The following NIPAL2 variants were observed in gnomAD, a reference collection of about 807,000 sequenced individuals.
NIPAL2 encodes NIPA-like protein 2.
In NIPAL2, 43 loss-of-function variants were observed where a neutral mutation model predicts 48.9. The observed-to-expected ratio is 0.88, with a 90% confidence interval of 0.69 to 1.13. NIPAL2 has a LOEUF of 1.13. Among genes scored for constraint, NIPAL2 ranks in the 50% most tolerant of loss-of-function variants. The pLI, the probability that NIPAL2 is intolerant of heterozygous loss-of-function variation, is 0.00. For missense variants in NIPAL2, 446 were observed against 461.4 expected (o/e 0.97, Z 0.31); for synonymous variants, 167 against 174.6 (o/e 0.96, Z 0.34).
At chr8:98,233,526 A>G (rs532858803) in intron 4 of NIPAL2, among the ~76,000 whole-genome samples, 4 of 152,220 alleles carry the variant, frequency 2.6e-5, no homozygotes, top group South Asian at 4.1e-4. Context: ...ACTGTCTTAC[A>G]TATTTGCCAG....
chr8:98,256,212 C>T (rs567031828), intron 1 of NIPAL2, among the ~76,000 whole-genome samples: 10 of 152,044 alleles, frequency 6.6e-5, no homozygotes, highest in South Asian at 6.2e-4. Flanking sequence ...TTAGTAGAGA[C>T]GGCATTTCGC....
At position 98,203,695 on chromosome 8, in the gene NIPAL2, T is replaced by C. The variant is rs78044763; in HGVS notation, c.792-499A>G. ...TTCTCATTCTGGCCACCAACACAAA[T>C]GCAGTTCCCACAACTGTGCTGTGCT... On this transcript the variant is annotated intron_variant, in intron 7 of 10. Transcript: ENST00000430223. Among the ~76,000 whole-genome samples, 770 of 152,322 alleles carry C rather than the reference T, an allele frequency of 5.1e-3. 7 individuals are homozygous for C. The highest frequency in any genetic ancestry group is 0.017 in the African/African-American group (714 of 41,570).
At chr8:98,254,389 C>G (rs1160138746) in intron 1 of NIPAL2, among the ~76,000 whole-genome samples, 1 of 152,138 alleles carries the variant, frequency 6.6e-6, no homozygotes, top group East Asian at 1.9e-4. Flanking sequence ...GATGCTGCTT[C>G]TTACGTATCC....
At chr8:98,222,433 C>G in intron 5 of NIPAL2, 46 bp downstream of exon 5, 2 of 1,589,664 alleles carry the variant, frequency 1.3e-6, no homozygotes, top group South Asian at 1.2e-5. Context: ...GACCAGTGGT[C>G]TGGATAATAT....
intron 1 of NIPAL2, among the ~76,000 whole-genome samples, chr8:98,260,077 G>C (rs893255134): frequency 5.3e-5 from 8 of 152,124 alleles, no homozygotes; most frequent in Non-Finnish European, 7.4e-5. Flanking sequence ...TGAGAAGAAG[G>C]GGGTACAAAA....
intron 1 of NIPAL2, among the ~76,000 whole-genome samples, chr8:98,256,875 A>C (rs189465982): frequency 6.6e-6 from 1 of 152,358 alleles, no homozygotes; most frequent in African/African-American, 2.4e-5. Flanking sequence ...AGCATTATTC[A>C]TAATAGCCAA....
In NIPAL2 at chr8:98,222,487, T is replaced by C; in HGVS notation, c.550A>G (p.Ile184Val). ...ATATTTAGAATTCTTACCACATAGA[T>C]CAGGAACTGCCATCCGACAAGGTAA... ...QYYLVGWQFL[I>V]YVILEILIFC... The change falls in exon 5 of 11, where the codon ATC (isoleucine) becomes GTC (valine). Residue 184 changes from isoleucine (I) to valine (V), a missense_variant. Transcript: ENST00000430223. 1 of 1,613,552 alleles carries C rather than the reference T, an allele frequency of 6.2e-7. No individual in the cohort carries two copies. The highest frequency in any genetic ancestry group is 8.5e-7 in the Non-Finnish European group (1 of 1,179,856).
intron 5 of NIPAL2, chr8:98,217,239 G>A (rs1260308547): frequency 3.0e-6 from 3 of 985,324 alleles, no homozygotes; most frequent in Non-Finnish European, 3.6e-6. Context: ...CCTTGTCTCT[G>A]TGAGGCTTCC....
In NIPAL2 at chr8:98,239,052, G is replaced by A. The variant is rs539608939; in HGVS notation, c.377-2838C>T. Among the ~76,000 whole-genome samples the A allele has an allele frequency of 3.1e-4, 47 of 152,162 alleles. 1 individual carries two copies. The highest frequency in any genetic ancestry group is 2.9e-4 in the Non-Finnish European group (20 of 67,988). On this transcript the variant is annotated intron_variant, in intron 3 of 10. Transcript: ENST00000430223. ...AGCAATAAAAAATAGGTGAAGTGTC[G>A]CTACATTAACACATACCAAATGTGT...
chr8:98,274,476 A>C (rs1329131520), intron 1 of NIPAL2, among the ~76,000 whole-genome samples: 1 of 152,014 alleles, frequency 6.6e-6, no homozygotes. Context: ...TTTTAAGGCT[A>C]TACTGTTAGG....
intron 3 of NIPAL2, among the ~76,000 whole-genome samples, chr8:98,243,436 C>G (rs192260067): frequency 2.0e-5 from 3 of 152,118 alleles, no homozygotes; most frequent in African/African-American, 7.2e-5. Context: ...AGTCCCAGAG[C>G]GAGGTATGTG....
At chr8:98,246,691 G>A (rs953751427) in intron 3 of NIPAL2, among the ~76,000 whole-genome samples, 8 of 152,172 alleles carry the variant, frequency 5.3e-5, no homozygotes, top group African/African-American at 1.4e-4. Context: ...AGTATTGCCC[G>A]AATTTAACTT....
chr8:98,222,752 T>A (rs1242822144), intron 4 of NIPAL2, 152 bp from the exon 5 acceptor site: 2 of 741,914 alleles, frequency 2.7e-6, no homozygotes, highest in Non-Finnish European at 4.4e-6. Context: ...TTGGATAGCG[T>A]CCACATTCAC....
chr8:98,210,361 G>A (rs1229923810), intron 6 of NIPAL2, among the ~76,000 whole-genome samples: 1 of 152,126 alleles, frequency 6.6e-6, no homozygotes, highest in Non-Finnish European at 1.5e-5. Flanking sequence ...TTGCACAGCT[G>A]CAGTTTAAGG....
chr8:98,283,605 G>A (rs771824008), intron 1 of NIPAL2, among the ~76,000 whole-genome samples: 1 of 152,156 alleles, frequency 6.6e-6, no homozygotes, highest in Non-Finnish European at 1.5e-5. Context: ...TTCCAAAGAA[G>A]CAGGATTGCA....
intron 1 of NIPAL2, among the ~76,000 whole-genome samples, chr8:98,263,042 G>A (rs1402289928): frequency 1.3e-5 from 2 of 150,204 alleles, no homozygotes; most frequent in East Asian, 1.9e-4. Flanking sequence ...GGTACATAAC[G>A]AAATGCAGGC....
intron 6 of NIPAL2, among the ~76,000 whole-genome samples, chr8:98,210,515 A>G (rs973678692): frequency 6.6e-6 from 1 of 152,150 alleles, no homozygotes; most frequent in African/African-American, 2.4e-5. Flanking sequence ...TTTATGGCCA[A>G]TTATAGGATC....
chr8:98,262,136 C>T (rs1401212938), intron 1 of NIPAL2, among the ~76,000 whole-genome samples: 52 of 129,842 alleles, frequency 4.0e-4, no homozygotes, highest in East Asian at 9.5e-4. Flanking sequence ...AAGCGCTAAA[C>T]ATGGAAAGGA....
At chr8:98,198,196 G>C (rs1810639406) in intron 8 of NIPAL2, among the ~76,000 whole-genome samples, 1 of 152,186 alleles carries the variant, frequency 6.6e-6, no homozygotes, top group African/African-American at 2.4e-5. Flanking sequence ...TGGGTGATCA[G>C]GTTCATTGAC....
Sources: allele counts gnomAD v4.1 joint callset (sites outside exome capture counted in the v4.1 genomes callset), GRCh38; gene constraint gnomAD v4.1.1; transcripts MANE v1.5; gene names NCBI Gene and HGNC (gene_info 2026-07-23, HGNC 2026-07-21).